RBMS2: variants seen among roughly 807,000 people sequenced by gnomAD.
RBMS2 encodes the protein RNA binding motif single stranded interacting protein 2.
RBMS2 carries 38 observed loss-of-function variants against 58.4 expected under a neutral mutation model. The observed-to-expected ratio is 0.65, with a 90% CI of 0.50 to 0.85. The LOEUF (loss-of-function observed/expected upper bound fraction) is 0.85, where lower values mean the gene tolerates loss of function less well. Among genes scored for constraint, RBMS2 ranks in the 40% least tolerant of loss-of-function variants. The probability of loss-of-function intolerance (pLI) is 0.00; values close to 1 mark genes in which losing one functional copy is unlikely to be tolerated. For missense variants in RBMS2, 367 were observed against 503.7 expected (o/e 0.73, Z 2.60); for synonymous variants, 151 against 180.7 (o/e 0.84, Z 1.32).
At chr12:56,533,897 T>C (rs6581098) in intron 1 of RBMS2, among the ~76,000 whole-genome samples, 68,104 of 151,390 alleles carry the variant, frequency 0.45, 16,190 homozygotes, top group East Asian at 0.6. Flanking sequence ...ATTATATCTA[T>C]ATAATATATA....
chr12:56,563,805 A>T (rs1880859928), intron 2 of RBMS2, among the ~76,000 whole-genome samples: 1 of 151,960 alleles, frequency 6.6e-6, no homozygotes, highest in Admixed American at 6.6e-5. Context: ...ATATTAAAAA[A>T]AATTTTAAAA....
At position 56,592,278 on chromosome 12, in the gene RBMS2, A is replaced by T. The variant is rs1425652353; in HGVS notation, c.*3145A>T. On this transcript the variant is annotated 3_prime_UTR_variant, in exon 14 of 14. Coordinates refer to ENST00000262031, the MANE Select transcript of RBMS2 (RefSeq NM_002898.4). Reference sequence around the variant, plus strand: ...GCTCATAACATTCTTAAAATATTTTAGTACTTGGCATTTTTCTGTTTTCAG... The same window carrying T: ...GCTCATAACATTCTTAAAATATTTTTGTACTTGGCATTTTTCTGTTTTCAG... The T allele has an allele frequency of 1.3e-5, 2 of 152,132 alleles. No homozygotes were observed. Among genetic ancestry groups the T allele is most frequent in the African/African-American group, 4.8e-5 (2 of 41,410 alleles). 9.4% of individuals were successfully genotyped at this position (152,132 alleles called of 1,614,324 possible). A position where few individuals can be genotyped will look rare whatever the true frequency, so the allele number is the denominator to read the frequency against.
chr12:56,557,675 C>T (rs1460208172), intron 1 of RBMS2, among the ~76,000 whole-genome samples: 1 of 151,856 alleles, frequency 6.6e-6, no homozygotes, highest in Non-Finnish European at 1.5e-5. Context: ...ATAGCTAAGA[C>T]CTTAGTATTA....
chr12:56,568,421 A>T (rs918473756), intron 2 of RBMS2, among the ~76,000 whole-genome samples: 2 of 152,170 alleles, frequency 1.3e-5, no homozygotes, highest in African/African-American at 2.4e-5. Context: ...CTTAGCTGGG[A>T]AAGAAGAGAG....
At chr12:56,555,795 T>C (rs1879128716) in intron 1 of RBMS2, among the ~76,000 whole-genome samples, 1 of 151,916 alleles carries the variant, frequency 6.6e-6, no homozygotes, top group Admixed American at 6.6e-5. Flanking sequence ...CTCACCATGT[T>C]GCCCAGGCTG....
At chr12:56,529,527 C>T (rs1255181667) in intron 1 of RBMS2, among the ~76,000 whole-genome samples, 1 of 151,980 alleles carries the variant, frequency 6.6e-6, no homozygotes, top group East Asian at 1.9e-4. Context: ...CACTGTACTC[C>T]AGCTTGTGCA....
intron 5 of RBMS2, among the ~76,000 whole-genome samples, chr12:56,578,232 G>A (rs750431842): frequency 2.0e-5 from 3 of 151,938 alleles, no homozygotes; most frequent in South Asian, 2.1e-4. Context: ...GGGTTCAGGC[G>A]ATTCTTGTGC....
intron 1 of RBMS2, among the ~76,000 whole-genome samples, chr12:56,538,563 A>T (rs1415012763): frequency 7.3e-6 from 1 of 136,680 alleles, no homozygotes; most frequent in African/African-American, 2.7e-5. Flanking sequence ...GCTTACTGCA[A>T]CCTCCGCCTC....
At chr12:56,545,182 G>T (rs1264143619) in intron 1 of RBMS2, among the ~76,000 whole-genome samples, 1 of 152,028 alleles carries the variant, frequency 6.6e-6, no homozygotes, top group Non-Finnish European at 1.5e-5. Flanking sequence ...TTCCATTCCT[G>T]AGTTACTTCA....
rs535208060 is a variant in RBMS2, at chr12:56,560,279, C to T, written c.67-2138C>T. ...TTCATAATTTTTTTTTTTTTTGAGA[C>T]GGAGTCTCTTTCTGTTGCCCAGGCT... On this transcript the variant is annotated intron_variant, in intron 1 of 13. Transcript: ENST00000262031. 2.1e-4 allele frequency among the ~76,000 whole-genome samples: 31 copies of T among 148,628 alleles called. 1 individual carries two copies. The highest frequency in any genetic ancestry group is 8.5e-4 in the South Asian group (4 of 4,712).
chr12:56,536,396 T>C (rs1426006560), intron 1 of RBMS2, among the ~76,000 whole-genome samples: 1 of 151,892 alleles, frequency 6.6e-6, no homozygotes. Flanking sequence ...AGTGCTGGGA[T>C]CACAAGCATG....
At position 56,589,283 on chromosome 12, in the gene RBMS2, G is replaced by A. The variant is rs1885124536; in HGVS notation, c.*150G>A. 1.4e-6 allele frequency: 2 copies of A among 1,410,076 alleles called. No homozygotes were observed. The highest frequency in any genetic ancestry group is 1.9e-6 in the Non-Finnish European group (2 of 1,070,542). 87.3% of individuals were successfully genotyped at this position (1,410,076 alleles called of 1,614,324 possible). On this transcript the variant is annotated 3_prime_UTR_variant, in exon 14 of 14. Transcript: ENST00000262031. ...TTAGCCATCGTTTTTCACAGGCCTG[G>A]GCCTGGAAAAAGAAATCTCTACGTT... is the stretch of plus-strand genomic sequence containing the variant.
At chr12:56,583,630 G>A (rs1167894805) in intron 9 of RBMS2, among the ~76,000 whole-genome samples, 1 of 148,920 alleles carries the variant, frequency 6.7e-6, no homozygotes, top group African/African-American at 2.5e-5. Context: ...CTCCAGCCTG[G>A]GCGACAAGAG....
At chr12:56,573,137 G>A (rs1226574451) in intron 5 of RBMS2, 1 of 982,102 alleles carries the variant, frequency 1.0e-6, no homozygotes, top group Non-Finnish European at 1.2e-6. Flanking sequence ...TGTCTGGTCC[G>A]TGAACACCCC....
chr12:56,581,277 G>T lies in RBMS2; in HGVS notation c.622+14G>T, dbSNP rs1379311003. 2.5e-6 allele frequency: 4 copies of T among 1,591,898 alleles called. No individual in the cohort carries two copies. Among genetic ancestry groups the T allele is most frequent in the African/African-American group, 1.3e-5 (1 of 74,350 alleles). On this transcript the variant is annotated intron_variant, in intron 6 of 13. Transcript: ENST00000262031. The stretch of plus-strand genomic sequence containing the variant: ...CTGGAGTACCAGGTGAGGCATCTGG[G>T]GCTCAGGCTGAGAGGGCCACAGGTT...
In RBMS2 at chr12:56,595,626, G is replaced by A. The variant is rs994706090; in HGVS notation, c.*6493G>A. 6.6e-6 allele frequency: 1 copy of A among 151,916 alleles called. No individual in the cohort carries two copies. Among genetic ancestry groups the A allele is most frequent in the African/African-American group, 2.4e-5 (1 of 41,310 alleles). 9.4% of individuals were successfully genotyped at this position (151,916 alleles called of 1,614,324 possible). On this transcript the variant is annotated 3_prime_UTR_variant, in exon 14 of 14. Transcript: ENST00000262031. ...CGTCTTGGTGTCTTATCCGTGAGTG[G>A]GAAGTGGTAAGCTGGTGATGGTCCC...
chr12:56,564,764 A>T (rs1409569836), intron 2 of RBMS2, among the ~76,000 whole-genome samples: 1 of 152,196 alleles, frequency 6.6e-6, no homozygotes, highest in Admixed American at 6.5e-5. Flanking sequence ...ACCTGAGGTC[A>T]GGAGTTGGAG....
intron 1 of RBMS2, among the ~76,000 whole-genome samples, chr12:56,547,538 C>A (rs1877466483): frequency 6.6e-6 from 1 of 152,028 alleles, no homozygotes; most frequent in African/African-American, 2.4e-5. Flanking sequence ...CTCTGCTTAT[C>A]CTTTCAAGGC....
At chr12:56,549,942 C>T (rs1383666976) in intron 1 of RBMS2, among the ~76,000 whole-genome samples, 3 of 152,058 alleles carry the variant, frequency 2.0e-5, no homozygotes, top group Non-Finnish European at 4.4e-5. Context: ...AGGAGAATCG[C>T]TTGAACCCAG....
Sources: gnomAD v4.1 joint callset for allele counts (sites outside exome capture counted in the v4.1 genomes callset) on GRCh38, gnomAD v4.1.1 for gene constraint, MANE v1.5 for transcripts, NCBI Gene and HGNC (gene_info 2026-07-23, HGNC 2026-07-21) for gene names.